Variants in GNAL observed in about 807,000 individuals in gnomAD.
GNAL encodes the protein G protein subunit alpha L.
In GNAL, 18 loss-of-function variants were observed where a neutral mutation model predicts 55.1. That is an observed-to-expected ratio of 0.33 (90% confidence interval 0.23 to 0.48). The LOEUF (loss-of-function observed/expected upper bound fraction) is 0.48, where lower values mean the gene tolerates loss of function less well. Ranked by LOEUF, GNAL falls within the 20% of genes least tolerant of loss-of-function variation. GNAL has a pLI of 0.99. For missense variants in GNAL, 412 were observed against 614.1 expected (o/e 0.67, Z 3.48); for synonymous variants, 253 against 237.0 (o/e 1.07, Z -0.62).
intron 1 of GNAL, among the ~76,000 whole-genome samples, chr18:11,730,045 T>TC (rs1442279543): frequency 9.9e-5 from 15 of 151,354 alleles, no homozygotes; most frequent in African/African-American, 3.4e-4. Flanking sequence ...TCTTTTCTTT[T>TC]TTTTTTGAGA....
intron 4 of GNAL, among the ~76,000 whole-genome samples, chr18:11,783,125 GT>G (rs562156413): frequency 1.5e-4 from 23 of 152,340 alleles, no homozygotes; most frequent in African/African-American, 5.5e-4. Context: ...AATTCCAGAG[GT>G]GGGTCATTCC....
intron 1 of GNAL, among the ~76,000 whole-genome samples, chr18:11,711,371 TC>T (rs1256585317): frequency 6.6e-6 from 1 of 152,194 alleles, no homozygotes; most frequent in East Asian, 1.9e-4. Flanking sequence ...TCCTATAACT[TC>T]CTTAGGCTAT....
chr18:11,790,775 G>C (rs373575601), intron 4 of GNAL, among the ~76,000 whole-genome samples: 1 of 147,698 alleles, frequency 6.8e-6, no homozygotes, highest in Non-Finnish European at 1.5e-5. Context: ...TCCTGCCTCA[G>C]CCTCCTGAGT....
At chr18:11,870,006 C>G (rs181898288) in intron 9 of GNAL, among the ~76,000 whole-genome samples, 2 of 152,106 alleles carry the variant, frequency 1.3e-5, no homozygotes, top group Admixed American at 6.5e-5. Flanking sequence ...ACTTACCTAG[C>G]TTTTACATCG....
At chr18:11,754,183 G>A (rs550278604) in intron 4 of GNAL, among the ~76,000 whole-genome samples, 1 of 152,312 alleles carries the variant, frequency 6.6e-6, no homozygotes, top group East Asian at 1.9e-4. Flanking sequence ...GGGAGGCCGA[G>A]GCGGGCAGAT....
intron 1 of GNAL, among the ~76,000 whole-genome samples, chr18:11,721,565 C>T (rs1017059645): frequency 1.4e-4 from 21 of 151,470 alleles, no homozygotes; most frequent in African/African-American, 3.6e-4. Flanking sequence ...AGACCAGACT[C>T]GCCAACATGG....
intron 10 of GNAL, among the ~76,000 whole-genome samples, chr18:11,874,663 G>A (rs1200549057): frequency 7.1e-6 from 1 of 141,732 alleles, no homozygotes; most frequent in Non-Finnish European, 1.5e-5. Context: ...AAAAAAAAAA[G>A]AACTCCTCAG....
At chr18:11,743,551 A>T (rs1194876954) in intron 1 of GNAL, among the ~76,000 whole-genome samples, 1 of 152,216 alleles carries the variant, frequency 6.6e-6, no homozygotes, top group African/African-American at 2.4e-5. Context: ...TTGTTCATAT[A>T]TGGTAGATTT....
chr18:11,836,378 G>A (rs777136826), intron 5 of GNAL, among the ~76,000 whole-genome samples: 2 of 150,806 alleles, frequency 1.3e-5, no homozygotes, highest in Non-Finnish European at 3.0e-5. Context: ...CCTGGGAGGC[G>A]GAGGTTGTGG....
chr18:11,877,363 G>A (rs672625), intron 11 of GNAL, among the ~76,000 whole-genome samples: 149,973 of 152,292 alleles, frequency 0.98, 73,857 homozygotes, highest in East Asian at 1. Flanking sequence ...GCTGAGGCAG[G>A]AGAATTGCTG....
intron 5 of GNAL, chr18:11,851,456 C>A: frequency 6.8e-7 from 1 of 1,474,768 alleles, no homozygotes. Context: ...ACCTTACCTT[C>A]TCTGCCTTCG....
chr18:11,872,204 A>T, intron 9 of GNAL, 64 bp from the exon 10 acceptor site: 1 of 1,074,898 alleles, frequency 9.3e-7, no homozygotes, highest in Non-Finnish European at 1.4e-6. Flanking sequence ...AGCAACTTCT[A>T]TGTTAGAGGC....
In GNAL at chr18:11,752,547, T is replaced by C. The variant is rs1322187013; in HGVS notation, c.377-306T>C. ...AGCAGTTGCAGAAAGAGCGCCTGGC[T>C]TACAAGGCTACCCACCGCCTGCTGC... On this transcript the variant is annotated intron_variant, in intron 1 of 11. Transcript: ENST00000334049. This position sits in a 1 kb window ranked among gnomAD's most constrained non-coding sequence, Gnocchi z 4.5. The C allele has an allele frequency of 3.1e-6, 5 of 1,612,036 alleles. No individual in the cohort carries two copies. In the East Asian group the frequency reaches 6.7e-5, roughly 22 times the overall value.
intron 4 of GNAL, among the ~76,000 whole-genome samples, chr18:11,787,988 T>G (rs2034109133): frequency 6.6e-6 from 1 of 152,190 alleles, no homozygotes; most frequent in Admixed American, 6.5e-5. Flanking sequence ...TCATTGACAT[T>G]GCCAACTTCC....
intron 5 of GNAL, among the ~76,000 whole-genome samples, chr18:11,848,823 C>A (rs1040163360): frequency 6.6e-6 from 1 of 152,184 alleles, no homozygotes; most frequent in Non-Finnish European, 1.5e-5. Context: ...CTCAAAAAAA[C>A]AGCTGGAAAG....
rs1258841538 is a variant in GNAL, at chr18:11,864,701, GCATGGCAGCCCTTTC to G, written c.851+96_851+110del. Reference sequence around the variant, plus strand: ...TTAAGGGGGCTTCATTCCTGAATGTGCATGGCAGCCCTTTCAGGTAAGAGCAGCTGGGGTGAAATT... The same window carrying G: ...TTAAGGGGGCTTCATTCCTGAATGTGAGGTAAGAGCAGCTGGGGTGAAATT... On this transcript the variant is annotated intron_variant, in intron 7 of 11. Transcript: ENST00000334049. 4 of 772,060 alleles carry G rather than the reference GCATGGCAGCCCTTTC, an allele frequency of 5.2e-6. No individual in the cohort carries two copies. The African/African-American group carries it at 6.8e-5, about 13-fold the overall frequency. The allele number at this position is 772,060 out of a possible 1,614,324, so 47.8% of individuals were successfully genotyped here. A position where few individuals can be genotyped will look rare whatever the true frequency, so the allele number is the denominator to read the frequency against.
At chr18:11,717,189 C>T (rs1373035648) in intron 1 of GNAL, among the ~76,000 whole-genome samples, 1 of 152,350 alleles carries the variant, frequency 6.6e-6, no homozygotes, top group East Asian at 1.9e-4. Context: ...GCCAGTGGAG[C>T]CAGCCGGCCG....
Position 11,852,173 on chromosome 18 carries a change from TAGAG to T in GNAL, c.723-10218_723-10215del, listed in dbSNP as rs2035889809. 3.4e-6 allele frequency: 5 copies of T among 1,482,674 alleles called. No individual in the cohort carries two copies. In the African/African-American group the frequency reaches 4.2e-5, roughly 13 times the overall value. 91.8% of individuals were successfully genotyped at this position (1,482,674 alleles called of 1,614,324 possible). The stretch of plus-strand genomic sequence containing the variant: ...ACCCTTTGAAATGCTCTCTGTGTGT[TAGAG>T]AGATACTATACCCTAGAAACTCTGA... On this transcript the variant is annotated intron_variant, in intron 5 of 11. Transcript: ENST00000334049.
At chr18:11,790,177 G>C (rs116131373) in intron 4 of GNAL, among the ~76,000 whole-genome samples, 2 of 152,186 alleles carry the variant, frequency 1.3e-5, no homozygotes, top group Non-Finnish European at 2.9e-5. Flanking sequence ...CAAGCCAGTT[G>C]TTGGATGAGG....
Sources: gnomAD v4.1 joint callset for allele counts (sites outside exome capture counted in the v4.1 genomes callset) on GRCh38, gnomAD v4.1.1 for gene constraint, Gnocchi (gnomAD v3.1) non-coding constraint, MANE v1.5 for transcripts, NCBI Gene and HGNC (gene_info 2026-07-23, HGNC 2026-07-21) for gene names.